Variants in TMEM117 observed in about 807,000 individuals in gnomAD.
TMEM117 encodes the protein transmembrane protein 117.
TMEM117 carries 27 observed loss-of-function variants against 52.4 expected under a neutral mutation model. The observed-to-expected ratio is 0.51, with a 90% CI of 0.38 to 0.71. The LOEUF (loss-of-function observed/expected upper bound fraction) is 0.71. TMEM117 is among the 30% of genes least tolerant of loss of function. The pLI is 0.00. For missense variants in TMEM117, 556 were observed against 630.5 expected, an observed-to-expected ratio of 0.88 and a Z score of 1.26; for synonymous variants, 215 against 206.3, an observed-to-expected ratio of 1.04 and a Z score of -0.36.
chr12:44,036,010 T>C (rs943290687), intron 3 of TMEM117, among the ~76,000 whole-genome samples: 7 of 152,158 alleles, frequency 4.6e-5, no homozygotes, highest in African/African-American at 1.7e-4. Flanking sequence ...GTTTTCTAGC[T>C]CTTTGTTCTC....
chr12:44,313,060 G>A lies in TMEM117; in HGVS notation c.768+13321G>A, dbSNP rs541650465. Among the ~76,000 whole-genome samples the A allele has an allele frequency of 2.6e-5, 4 of 152,304 alleles. No homozygotes were observed. In the East Asian group the frequency reaches 7.7e-4, roughly 29 times the overall value. On this transcript the variant is annotated intron_variant, in intron 6 of 7. Coordinates refer to ENST00000266534, the MANE Select transcript of TMEM117 (RefSeq NM_032256.3). ...GCAGATATTTTCTCCAATACTGTGA[G>A]CTGTCTGTTTACTCTGCTTTTCATT...
chr12:44,034,412 A>G (rs903084085), intron 3 of TMEM117, among the ~76,000 whole-genome samples: 5 of 152,224 alleles, frequency 3.3e-5, no homozygotes, highest in African/African-American at 1.2e-4. Context: ...TTGGTATTAG[A>G]TATAAATAAT....
At chr12:44,244,534 T>C (rs1326165260) in intron 5 of TMEM117, 2 of 152,042 alleles carry the variant, frequency 1.3e-5, no homozygotes, top group Non-Finnish European at 2.9e-5. Context: ...CCTTTGCCCA[T>C]TTTTAATCAG....
intron 3 of TMEM117, among the ~76,000 whole-genome samples, chr12:44,077,996 A>G (rs1323296230): frequency 2.0e-5 from 3 of 152,082 alleles, no homozygotes. Context: ...TTTTTTTGAC[A>G]TTTCCTACAA....
intron 2 of TMEM117, among the ~76,000 whole-genome samples, chr12:43,912,289 T>C (rs1283335054): frequency 5.5e-5 from 8 of 144,902 alleles, no homozygotes; most frequent in Non-Finnish European, 1.2e-4. Context: ...TAGGTGGGAA[T>C]TGAACAATGA....
At chr12:44,354,815 TA>T (rs558871756) in intron 6 of TMEM117, among the ~76,000 whole-genome samples, 50 of 149,694 alleles carry the variant, frequency 3.3e-4, no homozygotes, top group East Asian at 2.7e-3. Flanking sequence ...TTTTAAAAAT[TA>T]AAAAAAAAAT....
intron 3 of TMEM117, among the ~76,000 whole-genome samples, chr12:44,125,436 T>C (rs1403861791): frequency 1.3e-5 from 2 of 152,186 alleles, no homozygotes; most frequent in Non-Finnish European, 2.9e-5. Context: ...GGTTCAGTCT[T>C]GGGAAGATGT....
chr12:43,820,255 G>T, the TMEM117 span, among the ~76,000 whole-genome samples: 1 of 151,992 alleles, frequency 6.6e-6, no homozygotes, highest in African/African-American at 2.4e-5. Flanking sequence ...GCGCCACCAC[G>T]CCCAACTAAT....
chr12:44,027,729 C>CT (rs1390699068), intron 3 of TMEM117, among the ~76,000 whole-genome samples: 2 of 152,076 alleles, frequency 1.3e-5, no homozygotes, highest in Non-Finnish European at 2.9e-5. Context: ...TATTCTAGGA[C>CT]TTTAGAACTA....
intron 4 of TMEM117, among the ~76,000 whole-genome samples, chr12:44,157,682 A>G (rs919579477): frequency 6.6e-6 from 1 of 152,162 alleles, no homozygotes; most frequent in Non-Finnish European, 1.5e-5. Flanking sequence ...AGAAATTAAA[A>G]TATGAATTAT....
chr12:43,924,597 A>G (rs1382434170), intron 2 of TMEM117, among the ~76,000 whole-genome samples: 1 of 152,200 alleles, frequency 6.6e-6, no homozygotes, highest in Non-Finnish European at 1.5e-5. Flanking sequence ...TTAATAATGT[A>G]AAATACATAT....
At chr12:44,340,731 A>G (rs1951406004) in intron 6 of TMEM117, among the ~76,000 whole-genome samples, 2 of 152,134 alleles carry the variant, frequency 1.3e-5, no homozygotes, top group Admixed American at 1.3e-4. Context: ...ATTTTGTGTT[A>G]CAAGCATCTA....
intron 5 of TMEM117, among the ~76,000 whole-genome samples, chr12:44,224,036 C>T (rs1428786035): frequency 3.3e-5 from 5 of 152,070 alleles, no homozygotes; most frequent in Admixed American, 2.6e-4. Context: ...AAACATTCTT[C>T]CCCACCATGT....
In TMEM117 at chr12:44,100,037, C is replaced by A. The variant is rs531551266; in HGVS notation, c.411-43488C>A. 7.9e-5 allele frequency among the ~76,000 whole-genome samples: 12 copies of A among 152,018 alleles called. No homozygotes were observed. The South Asian group carries it at 2.5e-3, about 32-fold the overall frequency. On this transcript the variant is annotated intron_variant, in intron 3 of 7. Transcript: ENST00000266534. ...AAATTGTATTAAAATTAGAATGATT[C>A]TTTTAGGGCAAAGAAAACAGGCATA...
At chr12:44,109,982 G>A (rs1948028920) in intron 3 of TMEM117, among the ~76,000 whole-genome samples, 2 of 96,290 alleles carry the variant, frequency 2.1e-5, no homozygotes, top group African/African-American at 5.4e-5. Context: ...GTGAATGGGA[G>A]TTCACCCATG....
intron 2 of TMEM117, among the ~76,000 whole-genome samples, chr12:43,862,622 GAT>G (rs1310298435): frequency 6.6e-6 from 1 of 152,216 alleles, no homozygotes; most frequent in Non-Finnish European, 1.5e-5. Context: ...TCTAGCTAGT[GAT>G]ATAGTCTATA....
intron 4 of TMEM117, among the ~76,000 whole-genome samples, chr12:44,178,564 C>G (rs1949147477): frequency 6.6e-6 from 1 of 152,188 alleles, no homozygotes; most frequent in African/African-American, 2.4e-5. Flanking sequence ...TTTCATTAAT[C>G]AGGCTCTTTG....
chr12:44,329,823 A>G (rs115940540), intron 6 of TMEM117, among the ~76,000 whole-genome samples: 1 of 152,212 alleles, frequency 6.6e-6, no homozygotes, highest in African/African-American at 2.4e-5. Context: ...TATCTCTGTC[A>G]TAGCAGGTGT....
chr12:44,211,501 A>T (rs1243264173), intron 5 of TMEM117, 114 bp downstream of exon 5: 2 of 668,012 alleles, frequency 3.0e-6, no homozygotes, highest in East Asian at 5.5e-5. Context: ...CATTTTTGGT[A>T]GCTACTATGC....
Sources: gnomAD v4.1 joint callset for allele counts (sites outside exome capture counted in the v4.1 genomes callset) on GRCh38, gnomAD v4.1.1 for gene constraint, MANE v1.5 for transcripts, NCBI Gene and HGNC (gene_info 2026-07-23, HGNC 2026-07-21) for gene names.